MAP7D1: variants seen among roughly 807,000 people sequenced by gnomAD.
MAP7D1 encodes MAP7 domain containing 1, also known as MAP7 domain-containing protein 1.
A neutral mutation model predicts 97.5 loss-of-function variants in MAP7D1; 30 were observed. The observed-to-expected ratio is 0.31, with a 90% CI of 0.23 to 0.42. MAP7D1 has a LOEUF of 0.42. MAP7D1 is among the 10% of genes least tolerant of loss of function. The probability of loss-of-function intolerance (pLI) is 1.00; values close to 1 mark genes in which losing one functional copy is unlikely to be tolerated. For synonymous variants in MAP7D1, 536 were observed against 477.1 expected (o/e 1.12, Z -1.61); for missense variants, 1,184 against 1,179.5 (o/e 1.00, Z -0.06).
At chr1:36,174,390 C>T (rs1046757043) in intron 5 of MAP7D1, among the ~76,000 whole-genome samples, 1 of 152,152 alleles carries the variant, frequency 6.6e-6, no homozygotes, top group Non-Finnish European at 1.5e-5. Flanking sequence ...GTGTGCATGC[C>T]GAAGTATCTG....
chr1:36,177,925 G>C lies in MAP7D1; in HGVS notation c.1432G>C (p.Ala478Pro). 6.4e-7 allele frequency: 1 copy of C among 1,568,748 alleles called. No individual in the cohort carries two copies. The highest frequency in any genetic ancestry group is 2.3e-5 in the East Asian group (1 of 44,402). Residue 478 changes from alanine (A) to proline (P), a missense_variant, in exon 9 of 17, where the codon GCC becomes CCC. Coordinates refer to ENST00000474796, the MANE Select transcript of MAP7D1 (RefSeq NM_001388490.1). ...TCCCTCCACATCCTGGCACAGGCCT[G>C]CCTCCCCCTGCCCCAGCCCAGGGCC... ...SSPSTSWHRP[A>P]SPCPSPGPGH...
rs942343823 is a variant in MAP7D1, at chr1:36,180,455, C to T, written c.*197C>T. The stretch of plus-strand genomic sequence containing the variant: ...AGCCAGATCTGCCCCTCAGTGCATT[C>T]GTGTGCTCGCACGCGCAGACATCCC... On this transcript the variant is annotated 3_prime_UTR_variant, in exon 17 of 17. Transcript: ENST00000474796. The T allele has an allele frequency of 4.3e-6, 3 of 690,222 alleles. No individual in the cohort carries two copies. Among genetic ancestry groups the T allele is most frequent in the East Asian group, 5.2e-5 (2 of 38,152 alleles). 42.8% of individuals were successfully genotyped at this position (690,222 alleles called of 1,614,324 possible).
chr1:36,161,714 C>G (rs973133480), intron 1 of MAP7D1, among the ~76,000 whole-genome samples: 1 of 152,102 alleles, frequency 6.6e-6, no homozygotes, highest in Non-Finnish European at 1.5e-5. Context: ...TATAAATATT[C>G]CGGGGACATT....
At chr1:36,170,742 C>T (rs1276303508) in intron 1 of MAP7D1, among the ~76,000 whole-genome samples, 3 of 152,176 alleles carry the variant, frequency 2.0e-5, no homozygotes, top group Non-Finnish European at 4.4e-5. Context: ...CTGTAGTTGC[C>T]TAGCTATTTG....
rs1644598087 is a variant in MAP7D1, at chr1:36,174,949, C to T, written c.791C>T (p.Ser264Phe). 6.2e-7 allele frequency: 1 copy of T among 1,614,034 alleles called. No individual in the cohort carries two copies. The highest frequency in any genetic ancestry group is 1.1e-5 in the South Asian group (1 of 91,076). Reference protein sequence around the residue: ...SAVNLPKHVDSIINKRLSKSS... With the variant: ...SAVNLPKHVDFIINKRLSKSS... ...GTTAACCTGCCCAAACACGTGGACT[C>T]TATAATCAACAAGCGGCTCTCAAAG... Residue 264 changes from serine to phenylalanine, a missense_variant, in exon 6 of 17, where the codon TCT becomes TTT. Physicochemically the swap from Ser to Phe is radical, Grantham distance 155 (BLOSUM62 -2). Coordinates refer to ENST00000474796, the MANE Select transcript of MAP7D1 (RefSeq NM_001388490.1).
chr1:36,173,043 G>T (rs1436859260), intron 4 of MAP7D1, among the ~76,000 whole-genome samples: 1 of 152,202 alleles, frequency 6.6e-6, no homozygotes. Flanking sequence ...TAGCCCCAAG[G>T]TCAGGACCCT....
In MAP7D1 at chr1:36,178,194, C is replaced by G; in HGVS notation, c.1701C>G (p.Thr567=). The G allele has an allele frequency of 1.3e-6, 2 of 1,565,542 alleles. No homozygotes were observed. The highest frequency in any genetic ancestry group is 2.3e-5 in the South Asian group (2 of 85,300). ...PPQKEQPPAE[T]PTDAAVLTSP... Reference sequence around the variant, plus strand: ...AGAAGGAGCAGCCCCCCGCGGAGACCCCTACAGGTAGGAATGAAGAGAGGG... The same window carrying G: ...AGAAGGAGCAGCCCCCCGCGGAGACGCCTACAGGTAGGAATGAAGAGAGGG... Residue 567 remains threonine (T), a synonymous_variant, in exon 9 of 17, where the codon ACC becomes ACG. Coordinates refer to ENST00000474796, the MANE Select transcript of MAP7D1 (RefSeq NM_001388490.1).
At position 36,179,758 on chromosome 1, in the gene MAP7D1, T is replaced by C; in HGVS notation, c.2318+2T>C. Reference sequence around the variant, plus strand: ...CATCCCACAGGAGCCTCAGTGGAGGTACCAGCTTCCAATCCCAGGGTCCCT... The same window carrying C: ...CATCCCACAGGAGCCTCAGTGGAGGCACCAGCTTCCAATCCCAGGGTCCCT... On this transcript the variant is annotated splice_donor_variant, in intron 15 of 16. Transcript: ENST00000474796. LOFTEE classifies it high-confidence loss of function. The C allele has an allele frequency of 6.5e-7, 1 of 1,530,048 alleles. No homozygotes were observed. The highest frequency in any genetic ancestry group is 1.8e-4 in the Middle Eastern group (1 of 5,662). The allele number at this position is 1,530,048 out of a possible 1,614,324, so 94.8% of individuals were successfully genotyped here.
At position 36,180,252 on chromosome 1, in the gene MAP7D1, C is replaced by T; in HGVS notation, c.2517C>T (p.Val839=). ...AVVQSPQVTE[V]L The stretch of plus-strand genomic sequence containing the variant: ...TCCCTTCCTGTTTTTCCCCAGAAGT[C>T]CTTTAAGAGGGTTTGCCTTGGATCC... Residue 839 remains valine (V), a synonymous_variant, in exon 17 of 17, where the codon GTC becomes GTT. Transcript: ENST00000474796. 1.2e-6 allele frequency: 2 copies of T among 1,614,178 alleles called. No individual in the cohort carries two copies. Among genetic ancestry groups the T allele is most frequent in the Non-Finnish European group, 1.7e-6 (2 of 1,180,036 alleles).
At chr1:36,178,628 C>T (rs753782554) in intron 10 of MAP7D1, 32 bp downstream of exon 10, 6 of 1,547,244 alleles carry the variant, frequency 3.9e-6, no homozygotes, top group Non-Finnish European at 5.2e-6. Flanking sequence ...AGGGGGCCCT[C>T]GTGGGCGCTG....
At chr1:36,169,077 C>T (rs947497167) in intron 1 of MAP7D1, among the ~76,000 whole-genome samples, 3 of 151,618 alleles carry the variant, frequency 2.0e-5, no homozygotes, top group Non-Finnish European at 2.9e-5. Flanking sequence ...CATGGTGAAA[C>T]GCCGTCTCTA....
chr1:36,156,379 C>T lies in MAP7D1; in HGVS notation c.-39C>T. On this transcript the variant is annotated 5_prime_UTR_variant, in exon 1 of 17. Coordinates refer to ENST00000474796, the MANE Select transcript of MAP7D1 (RefSeq NM_001388490.1). ...CCTGGCCACTGGCCGCCGCCGCCGC[C>T]GCCGCTGAGACCCCGAGACCCCCAG... The T allele has an allele frequency of 1.4e-6, 2 of 1,480,238 alleles. No individual in the cohort carries two copies. Among genetic ancestry groups the T allele is most frequent in the Non-Finnish European group, 1.8e-6 (2 of 1,121,878 alleles). The allele number at this position is 1,480,238 out of a possible 1,614,324, so 91.7% of individuals were successfully genotyped here. A position where few individuals can be genotyped will look rare whatever the true frequency, so the allele number is the denominator to read the frequency against.
intron 1 of MAP7D1, 81 bp downstream of exon 1, chr1:36,156,544 G>A: frequency 8.4e-7 from 1 of 1,195,766 alleles, no homozygotes; most frequent in Non-Finnish European, 1.1e-6. Context: ...CGGCCGGCTG[G>A]GCGGGGACCC....
In MAP7D1 at chr1:36,173,494, G is replaced by A; in HGVS notation, c.739+16G>A. The A allele has an allele frequency of 6.4e-7, 1 of 1,571,270 alleles. No individual in the cohort carries two copies. Among genetic ancestry groups the A allele is most frequent in the Non-Finnish European group, 8.7e-7 (1 of 1,154,984 alleles). On this transcript the variant is annotated intron_variant, in intron 5 of 16. Transcript: ENST00000474796. ...CATAAGACCAGTGAGTAGGCTGGAGGGGCTGGGGAGTGGGTGGGCAAGGCT... is the reference window on the plus strand; with the variant it reads ...CATAAGACCAGTGAGTAGGCTGGAGAGGCTGGGGAGTGGGTGGGCAAGGCT...
chr1:36,161,170 G>A (rs763481196), intron 1 of MAP7D1, among the ~76,000 whole-genome samples: 4 of 152,226 alleles, frequency 2.6e-5, no homozygotes, highest in African/African-American at 7.2e-5. Context: ...CACAGAAGCC[G>A]GTGGCCTGGT....
intron 4 of MAP7D1, among the ~76,000 whole-genome samples, chr1:36,173,134 C>T (rs1382651953): frequency 6.6e-6 from 1 of 152,154 alleles, no homozygotes; most frequent in Non-Finnish European, 1.5e-5. Context: ...CTCATGCACT[C>T]AGGAAATGAC....
In MAP7D1 at chr1:36,176,610, G is replaced by A. The variant is rs199853749; in HGVS notation, c.1233+29G>A. On this transcript the variant is annotated intron_variant, in intron 7 of 16. Transcript: ENST00000474796. The surrounding 1 kb of genome is among the most constrained non-coding windows in gnomAD (Gnocchi z 6.1). ...AGTGGCTCTACTGGCTCGAGTGGCC[G>A]CGCAGGTGGGGACAGGCAGCCTGGA... 2.0e-3 allele frequency: 3,149 copies of A among 1,544,888 alleles called. 25 individuals carry two copies. In the African/African-American group the frequency reaches 0.027, roughly 13 times the overall value.
chr1:36,178,313 G>A, intron 9 of MAP7D1, 106 bp from the exon 10 acceptor site: 2 of 1,472,002 alleles, frequency 1.4e-6, no homozygotes, highest in South Asian at 1.3e-5. Context: ...CATGGAAAGA[G>A]GAGACTCCTG....
intron 3 of MAP7D1, chr1:36,171,826 C>T (rs940198791): frequency 6.3e-6 from 2 of 318,382 alleles, no homozygotes; most frequent in South Asian, 2.7e-5. Flanking sequence ...CCCAGCTACT[C>T]GGGAGACTGA....
Sources: allele counts gnomAD v4.1 joint callset (sites outside exome capture counted in the v4.1 genomes callset), GRCh38; gene constraint gnomAD v4.1.1; non-coding constraint Gnocchi (gnomAD v3.1); transcripts MANE v1.5; gene names NCBI Gene and HGNC (gene_info 2026-07-23, HGNC 2026-07-21).